ARL15: variants seen among roughly 807,000 people sequenced by gnomAD.
ARL15 encodes ARF like GTPase 15, also known as ADP-ribosylation factor-like protein 15.
Under a neutral mutation model 25.2 loss-of-function variants are expected in ARL15, and 19 were observed. That is an observed-to-expected ratio of 0.75 (90% CI 0.53 to 1.10). The LOEUF is 1.10. Among genes scored for constraint, ARL15 ranks in the 50% least tolerant of loss-of-function variants. The pLI is 0.00. For missense variants in ARL15, 220 were observed against 246.0 expected (o/e 0.89, Z 0.71); for synonymous variants, 94 against 86.8 (o/e 1.08, Z -0.46).
At chr5:54,185,581 G>C (rs933472237) in intron 1 of ARL15, among the ~76,000 whole-genome samples, 1 of 152,190 alleles carries the variant, frequency 6.6e-6, no homozygotes, top group Admixed American at 6.5e-5. Context: ...GCGTGGCTAT[G>C]ATTAAAAGCA....
At position 54,243,315 on chromosome 5, in the gene ARL15, C is replaced by G. The variant is rs138698461; in HGVS notation, c.48+67117G>C. On this transcript the variant is annotated intron_variant, in intron 1 of 4. Coordinates refer to ENST00000504924, the MANE Select transcript of ARL15 (RefSeq NM_019087.3). ...ACAGCCTTCTGTAAATAGATGTAAT[C>G]TAGGAAAACTCAAAAGCCTGTTATT... Among the ~76,000 whole-genome samples the G allele has an allele frequency of 1.3e-4, 20 of 152,248 alleles. No homozygotes were observed. In the East Asian group the frequency reaches 3.9e-3, roughly 29 times the overall value.
rs116473387 is a variant in ARL15, at chr5:54,063,710, G to A, written c.462+49492C>T. ...ACTCATTATTTTTTTCACCCAAAGG[G>A]TTTGCCTGCTACATCTTGTTTTTAT... On this transcript the variant is annotated intron_variant, in intron 4 of 4. Transcript: ENST00000504924. Among the ~76,000 whole-genome samples, 1,065 of 152,210 alleles carry A rather than the reference G, an allele frequency of 7.0e-3. 10 individuals carry two copies. Among genetic ancestry groups the A allele is most frequent in the African/African-American group, 0.025 (1,024 of 41,522 alleles).
chr5:54,077,718 T>C (rs1263548314), intron 4 of ARL15, among the ~76,000 whole-genome samples: 1 of 152,228 alleles, frequency 6.6e-6, no homozygotes, highest in Non-Finnish European at 1.5e-5. Flanking sequence ...CAGTCTCTTT[T>C]TCTAATATTC....
chr5:53,892,605 T>C (rs1744755566), intron 4 of ARL15, among the ~76,000 whole-genome samples: 1 of 151,590 alleles, frequency 6.6e-6, no homozygotes, highest in Admixed American at 6.6e-5. Flanking sequence ...CTGTTACTTT[T>C]TTTTTTTTTT....
chr5:53,992,424 C>T (rs148172895), intron 4 of ARL15, among the ~76,000 whole-genome samples: 1 of 152,276 alleles, frequency 6.6e-6, no homozygotes, highest in Non-Finnish European at 1.5e-5. Context: ...TGCTTCTACA[C>T]ACATCTTATA....
intron 4 of ARL15, among the ~76,000 whole-genome samples, chr5:53,928,665 G>A (rs1324018010): frequency 1.3e-5 from 2 of 151,972 alleles, no homozygotes; most frequent in Non-Finnish European, 2.9e-5. Context: ...CAAGTATATG[G>A]ACATATTTAT....
intron 1 of ARL15, among the ~76,000 whole-genome samples, chr5:54,309,394 A>T (rs531496182): frequency 6.6e-6 from 1 of 152,364 alleles, no homozygotes; most frequent in African/African-American, 2.4e-5. Flanking sequence ...CAAAGCATGC[A>T]CAGACTTTCT....
chr5:53,909,721 TAATAA>T (rs540593320), intron 4 of ARL15, among the ~76,000 whole-genome samples: 99 of 151,968 alleles, frequency 6.5e-4, no homozygotes, highest in African/African-American at 2.2e-3. Context: ...AGAAAAATAA[TAATAA>T]AATAAAACAA....
intron 2 of ARL15, among the ~76,000 whole-genome samples, chr5:54,169,987 G>A (rs1754671687): frequency 6.6e-6 from 1 of 152,134 alleles, no homozygotes; most frequent in Non-Finnish European, 1.5e-5. Context: ...TCTAAAATCT[G>A]AAAAGCTCTC....
At chr5:53,887,514 TG>T (rs1334406935) in intron 4 of ARL15, 6 of 599,972 alleles carry the variant, frequency 1.0e-5, no homozygotes, top group Non-Finnish European at 1.8e-5. Flanking sequence ...TACCAATTCC[TG>T]GCTGTGAATA....
intron 1 of ARL15, among the ~76,000 whole-genome samples, chr5:54,302,509 C>T (rs532901719): frequency 1.3e-5 from 2 of 152,008 alleles, no homozygotes; most frequent in Non-Finnish European, 2.9e-5. Flanking sequence ...TTACCAGACA[C>T]TAGACTAGAT....
chr5:54,106,409 T>C (rs958350460), intron 4 of ARL15, among the ~76,000 whole-genome samples: 1 of 152,074 alleles, frequency 6.6e-6, no homozygotes, highest in African/African-American at 2.4e-5. Flanking sequence ...TCGGAGGTAG[T>C]CACTCTTTCA....
intron 1 of ARL15, among the ~76,000 whole-genome samples, chr5:54,199,963 C>T (rs1372752061): frequency 6.7e-6 from 1 of 149,194 alleles, no homozygotes; most frequent in Non-Finnish European, 1.5e-5. Flanking sequence ...ACTATGCAGC[C>T]ATAAAAAATG....
At chr5:54,017,323 G>C (rs910863949) in intron 4 of ARL15, among the ~76,000 whole-genome samples, 1 of 151,930 alleles carries the variant, frequency 6.6e-6, no homozygotes, top group Non-Finnish European at 1.5e-5. Context: ...AGTGGAGTGA[G>C]GTCTGAATGT....
intron 4 of ARL15, among the ~76,000 whole-genome samples, chr5:54,088,775 C>T (rs1434231858): frequency 6.6e-6 from 1 of 152,152 alleles, no homozygotes; most frequent in Admixed American, 6.5e-5. Flanking sequence ...TTAAATTCTA[C>T]TTAAGTAGCT....
At chr5:54,034,880 G>T (rs1750121977) in intron 4 of ARL15, among the ~76,000 whole-genome samples, 1 of 151,396 alleles carries the variant, frequency 6.6e-6, no homozygotes, top group South Asian at 2.1e-4. Context: ...GTGTTGACAG[G>T]CCGGTCTTGA....
intron 1 of ARL15, among the ~76,000 whole-genome samples, chr5:54,271,883 T>A (rs900087672): frequency 6.6e-6 from 1 of 152,052 alleles, no homozygotes; most frequent in Admixed American, 6.6e-5. Context: ...CTATGTAATA[T>A]TAATCTATTG....
At chr5:54,090,580 T>C (rs535691931) in intron 4 of ARL15, among the ~76,000 whole-genome samples, 1 of 152,158 alleles carries the variant, frequency 6.6e-6, no homozygotes, top group East Asian at 1.9e-4. Flanking sequence ...GACATTGCCA[T>C]TTGCTCTAAT....
chr5:53,997,210 GTCT>G (rs1388181042), intron 4 of ARL15, among the ~76,000 whole-genome samples: 2 of 152,088 alleles, frequency 1.3e-5, no homozygotes, highest in Non-Finnish European at 2.9e-5. Flanking sequence ...CAAATAATCT[GTCT>G]TCTTCTTTAT....
Sources: allele counts gnomAD v4.1 joint callset (sites outside exome capture counted in the v4.1 genomes callset), GRCh38; gene constraint gnomAD v4.1.1; transcripts MANE v1.5; gene names NCBI Gene and HGNC (gene_info 2026-07-23, HGNC 2026-07-21).